CFAP299: variants seen among roughly 807,000 people sequenced by gnomAD.
CFAP299 encodes cilia- and flagella-associated protein 299.
CFAP299 carries 21 observed loss-of-function variants against 27.0 expected under a neutral mutation model. That is an observed-to-expected ratio of 0.78 (90% CI 0.55 to 1.12). The LOEUF (loss-of-function observed/expected upper bound fraction) is 1.12. Among genes scored for constraint, CFAP299 ranks in the 50% most tolerant of loss-of-function variants. The pLI, the probability that CFAP299 is intolerant of heterozygous loss-of-function variation, is 0.00. For missense variants in CFAP299, 310 were observed against 276.6 expected (o/e 1.12, Z -0.86); for synonymous variants, 104 against 98.1 (o/e 1.06, Z -0.36).
chr4:80,610,759 A>T (rs2109916463), intron 3 of CFAP299, among the ~76,000 whole-genome samples: 1 of 152,154 alleles, frequency 6.6e-6, no homozygotes, highest in South Asian at 2.1e-4. Flanking sequence ...CAATGATAAT[A>T]ATAAAGGCTC....
chr4:80,815,094 G>A (rs1279806004), intron 3 of CFAP299, among the ~76,000 whole-genome samples: 1 of 151,896 alleles, frequency 6.6e-6, no homozygotes, highest in Non-Finnish European at 1.5e-5. Flanking sequence ...AACAAACAGA[G>A]CTGGAAGAAC....
intron 2 of CFAP299, among the ~76,000 whole-genome samples, chr4:80,476,504 G>T (rs932346988): frequency 6.6e-6 from 1 of 152,112 alleles, no homozygotes; most frequent in Non-Finnish European, 1.5e-5. Flanking sequence ...TTCCCAGGAA[G>T]CTTCCTGGGA....
At chr4:80,461,823 C>T (rs1729453616) in intron 2 of CFAP299, among the ~76,000 whole-genome samples, 1 of 152,118 alleles carries the variant, frequency 6.6e-6, no homozygotes, top group Non-Finnish European at 1.5e-5. Flanking sequence ...TATGAACTTC[C>T]TCACTTGGAC....
intron 3 of CFAP299, among the ~76,000 whole-genome samples, chr4:80,709,474 T>C (rs1722013979): frequency 6.6e-6 from 1 of 152,150 alleles, no homozygotes. Context: ...TTAAGAACTT[T>C]ATTGAGCACG....
chr4:80,608,861 A>ATG (rs33963629), intron 3 of CFAP299, among the ~76,000 whole-genome samples: 2,253 of 146,884 alleles, frequency 0.015, 48 homozygotes, highest in African/African-American at 0.051. Flanking sequence ...TACACGATGC[A>ATG]TGTGTGTGTG....
intron 4 of CFAP299, chr4:80,872,921 C>CTTT: frequency 3.0e-6 from 2 of 661,150 alleles, no homozygotes; most frequent in Non-Finnish European, 3.5e-6. Context: ...AGTTCTTCTT[C>CTTT]TTTTTTTTTT....
At chr4:80,651,320 C>A (rs1173397532) in intron 3 of CFAP299, among the ~76,000 whole-genome samples, 1 of 149,236 alleles carries the variant, frequency 6.7e-6, no homozygotes, top group Admixed American at 6.7e-5. Context: ...TTTCTTCTTT[C>A]TTTCTCTCTT....
chr4:80,584,233 A>T (rs1736319274), intron 3 of CFAP299, among the ~76,000 whole-genome samples: 1 of 152,038 alleles, frequency 6.6e-6, no homozygotes, highest in Admixed American at 6.6e-5. Context: ...TTACGAATGC[A>T]TTTTCTCAGA....
chr4:80,675,539 TG>T (rs1219150682), intron 3 of CFAP299, among the ~76,000 whole-genome samples: 1 of 152,230 alleles, frequency 6.6e-6, no homozygotes, highest in Non-Finnish European at 1.5e-5. Context: ...AGAGCTCAAA[TG>T]CTGTGGTGGG....
At chr4:80,606,911 G>T (rs997654410) in intron 3 of CFAP299, among the ~76,000 whole-genome samples, 42 of 152,164 alleles carry the variant, frequency 2.8e-4, no homozygotes, top group South Asian at 2.1e-3. Context: ...TTTCCAGCAG[G>T]CTACTTTTGC....
intron 3 of CFAP299, among the ~76,000 whole-genome samples, chr4:80,666,413 A>G (rs187688936): frequency 6.6e-6 from 1 of 152,266 alleles, no homozygotes; most frequent in African/African-American, 2.4e-5. Flanking sequence ...ATCAGATTCT[A>G]CTGGAGATCG....
At chr4:80,518,850 A>C (rs1425361249) in intron 2 of CFAP299, among the ~76,000 whole-genome samples, 1 of 152,160 alleles carries the variant, frequency 6.6e-6, no homozygotes, top group Non-Finnish European at 1.5e-5. Flanking sequence ...TTGAAGAAGT[A>C]AGTAGAACTT....
chr4:80,581,175 A>C (rs1340291502), intron 2 of CFAP299, among the ~76,000 whole-genome samples: 1 of 151,776 alleles, frequency 6.6e-6, no homozygotes, highest in Non-Finnish European at 1.5e-5. Context: ...AATTAGGTAG[A>C]AGCTGGATAA....
intron 2 of CFAP299, among the ~76,000 whole-genome samples, chr4:80,434,837 G>A (rs769152818): frequency 1.3e-5 from 2 of 152,186 alleles, no homozygotes; most frequent in Non-Finnish European, 2.9e-5. Context: ...AGGATGCTGA[G>A]GCAAAGCACT....
intron 3 of CFAP299, among the ~76,000 whole-genome samples, chr4:80,795,944 C>T (rs1727834843): frequency 6.6e-6 from 1 of 152,190 alleles, no homozygotes; most frequent in Non-Finnish European, 1.5e-5. Context: ...CTCCAAATAG[C>T]ATTCCTATCT....
chr4:80,905,447 A>G (rs1168101143), intron 4 of CFAP299, among the ~76,000 whole-genome samples: 1 of 152,196 alleles, frequency 6.6e-6, no homozygotes, highest in Admixed American at 6.5e-5. Flanking sequence ...ATTAAAATAT[A>G]TTGTAATCAG....
At position 80,635,357 on chromosome 4, in the gene CFAP299, C is replaced by T. The variant is rs1370104277; in HGVS notation, c.333+52174C>T. Among the ~76,000 whole-genome samples, 4 of 152,052 alleles carry T rather than the reference C, an allele frequency of 2.6e-5. No individual in the cohort carries two copies. In the East Asian group the frequency reaches 5.8e-4, roughly 22 times the overall value. ...CAGAATACTGAATCTGTAACAAAAC[C>T]TTCCTATCACAAATTAGATTTAAAA... is the stretch of plus-strand genomic sequence containing the variant. On this transcript the variant is annotated intron_variant, in intron 3 of 5. Coordinates refer to ENST00000358105, the MANE Select transcript of CFAP299 (RefSeq NM_152770.3).
intron 4 of CFAP299, among the ~76,000 whole-genome samples, chr4:80,931,723 C>T (rs1351447610): frequency 2.0e-5 from 3 of 149,074 alleles, no homozygotes; most frequent in Admixed American, 2.0e-4. Flanking sequence ...CATGCACGCA[C>T]ACACACACAC....
At chr4:80,813,945 T>C (rs1729291173) in intron 3 of CFAP299, among the ~76,000 whole-genome samples, 1 of 152,066 alleles carries the variant, frequency 6.6e-6, no homozygotes, top group East Asian at 1.9e-4. Flanking sequence ...TTATTATTGG[T>C]AAATAAAGAA....
Sources: gnomAD v4.1 joint callset for allele counts (sites outside exome capture counted in the v4.1 genomes callset) on GRCh38, gnomAD v4.1.1 for gene constraint, MANE v1.5 for transcripts, NCBI Gene and HGNC (gene_info 2026-07-23, HGNC 2026-07-21) for gene names.